OR11H4: variants seen among roughly 807,000 people sequenced by gnomAD.
The protein encoded by OR11H4 is olfactory receptor family 11 subfamily H member 4.
For missense variants in OR11H4, 460 were observed against 371.1 expected, an observed-to-expected ratio of 1.24 and a Z score of -1.97; for synonymous variants, 162 against 142.3, an observed-to-expected ratio of 1.14 and a Z score of -0.98.
chr14:20,242,020 C>A (rs1312583659), intron 1 of OR11H4, among the ~76,000 whole-genome samples: 1 of 151,956 alleles, frequency 6.6e-6, no homozygotes, highest in Admixed American at 6.6e-5. Context: ...AATGTACAAT[C>A]GGGTTTTATA....
rs1161238345 is a variant in OR11H4 at position 20,243,260 on chromosome 14, T to C, written c.439T>C (p.Phe147Leu). 1 of 1,614,072 alleles carries C rather than the reference T, an allele frequency of 6.2e-7. No homozygotes were observed. The highest frequency in any genetic ancestry group is 8.5e-7 in the Non-Finnish European group (1 of 1,180,052). The stretch of plus-strand genomic sequence containing the variant: ...AAGGTTCTGTGGTAAGCTGGTGTCT[T>C]TCTGTTGGCTTATTGGATTCCTTGG... ...TVRFCGKLVS[F>L]CWLIGFLGYP... Residue 147 changes from phenylalanine to leucine, a missense_variant, in exon 2 of 2, where the codon TTC (phenylalanine) becomes CTC (leucine). Phe to Leu is a conservative substitution (Grantham distance 22). Transcript: ENST00000641082.
rs1339619530 is a variant in OR11H4 at position 20,243,782 on chromosome 14, T to C, written c.*16T>C. On this transcript the variant is annotated 3_prime_UTR_variant, in exon 2 of 2. Transcript: ENST00000641082. ...AAATTCGTGAGCCAAAGATGTGCCA[T>C]ACTTACAAGTTCTAACGAAGAACAA... 6.4e-7 allele frequency: 1 copy of C among 1,552,786 alleles called. No individual in the cohort carries two copies. Among genetic ancestry groups the C allele is most frequent in the South Asian group, 1.3e-5 (1 of 79,788 alleles).
chr14:20,243,862 A>T lies in OR11H4; in HGVS notation c.*96A>T. The T allele has an allele frequency of 7.8e-7, 1 of 1,276,320 alleles. No individual in the cohort carries two copies. The allele number at this position is 1,276,320 out of a possible 1,614,324, so 79.1% of individuals were successfully genotyped here. A position where few individuals can be genotyped will look rare whatever the true frequency, so the allele number is the denominator to read the frequency against. ...CTTTCAGTCCTCAGTCTGAGTAGTT[A>T]GAGGTTGTATATTTTACCTGGAAGT... On this transcript the variant is annotated 3_prime_UTR_variant, in exon 2 of 2. Coordinates refer to ENST00000641082, the MANE Select transcript of OR11H4 (RefSeq NM_001004479.2).
chr14:20,243,116 C>G lies in OR11H4; in HGVS notation c.295C>G (p.Leu99Val), dbSNP rs754091387. 3.1e-6 allele frequency: 5 copies of G among 1,614,044 alleles called. No homozygotes were observed. In the African/African-American group the frequency reaches 5.3e-5, roughly 17 times the overall value. ...GGCCATCTCATTTTCTGGGTGCTTCCTCCAGTTCTATTTCTTCTTTTCACT... is the reference window on the plus strand; with the variant it reads ...GGCCATCTCATTTTCTGGGTGCTTCGTCCAGTTCTATTTCTTCTTTTCACT... ...TKAISFSGCF[L>V]QFYFFFSLGT... is the part of the protein sequence containing the mutation. The change falls in exon 2 of 2, where the codon CTC becomes GTC. Residue 99 changes from leucine to valine, a missense_variant. Coordinates refer to ENST00000641082, the MANE Select transcript of OR11H4 (RefSeq NM_001004479.2).
chr14:20,241,728 A>G (rs375812444), intron 1 of OR11H4, among the ~76,000 whole-genome samples: 90 of 152,316 alleles, frequency 5.9e-4, no homozygotes, highest in Middle Eastern at 3.4e-3. Context: ...GAGTTCCCTC[A>G]GTTTTTATTG....
Position 20,243,832 on chromosome 14 carries a change from G to A in OR11H4, c.*66G>A. ...AGGTCGAGATGTTGTCAGTTCTTTA[G>A]CAGTCTTTCAGTCCTCAGTCTGAGT... On this transcript the variant is annotated 3_prime_UTR_variant, in exon 2 of 2. Coordinates refer to ENST00000641082, the MANE Select transcript of OR11H4 (RefSeq NM_001004479.2). 1 of 1,484,632 alleles carries A rather than the reference G, an allele frequency of 6.7e-7. No individual in the cohort carries two copies. 92.0% of individuals were successfully genotyped at this position (1,484,632 alleles called of 1,614,324 possible).
Position 20,243,832 on chromosome 14 carries a change from G to C in OR11H4, c.*66G>C. 6.7e-7 allele frequency: 1 copy of C among 1,484,634 alleles called. No homozygotes were observed. 92.0% of individuals were successfully genotyped at this position (1,484,634 alleles called of 1,614,324 possible). A position where few individuals can be genotyped will look rare whatever the true frequency, so the allele number is the denominator to read the frequency against. ...AGGTCGAGATGTTGTCAGTTCTTTA[G>C]CAGTCTTTCAGTCCTCAGTCTGAGT... On this transcript the variant is annotated 3_prime_UTR_variant, in exon 2 of 2. Transcript: ENST00000641082.
intron 1 of OR11H4, among the ~76,000 whole-genome samples, chr14:20,242,458 C>G (rs1594243228): frequency 6.6e-6 from 1 of 152,114 alleles, no homozygotes; most frequent in Non-Finnish European, 1.5e-5. Context: ...TGGGGCAAAG[C>G]TACAAATTAA....
In OR11H4 at chr14:20,243,408, A is replaced by G. The variant is rs1191263178; in HGVS notation, c.587A>G (p.Glu196Gly). 9.9e-6 allele frequency: 16 copies of G among 1,613,764 alleles called. No homozygotes were observed. Among genetic ancestry groups the G allele is most frequent in the Non-Finnish European group, 1.3e-5 (15 of 1,179,906 alleles). The change falls in exon 2 of 2, where the codon GAA (glutamate) becomes GGA (glycine). Residue 196 changes from glutamate (E) to glycine (G), a missense_variant. Physicochemically the swap from Glu to Gly is moderately conservative, Grantham distance 98. Transcript: ENST00000641082. ...TCCTGTGCCCCAGCTCCCATAACTG[A>G]ATGTATTTTCTATACTCAGAGCTCC... ...ALSCAPAPIT[E>G]CIFYTQSSLV...
In OR11H4 at chr14:20,242,984, C is replaced by G. The variant is rs774959699; in HGVS notation, c.163C>G (p.Leu55Val). 8.7e-6 allele frequency: 14 copies of G among 1,614,110 alleles called. No homozygotes were observed. In the South Asian group the frequency reaches 1.5e-4, roughly 18 times the overall value. Residue 55 changes from leucine to valine, a missense_variant, in exon 2 of 2, where the codon CTA becomes GTA. Leu to Val is a conservative substitution (Grantham distance 32). Transcript: ENST00000641082. Reference sequence around the variant, plus strand: ...CTATGCAGTGAGATGCAACCCACTACTACACACCCCCATGTACTTTCTGCT... The same window carrying G: ...CTATGCAGTGAGATGCAACCCACTAGTACACACCCCCATGTACTTTCTGCT... ...IIYAVRCNPL[L>V]HTPMYFLLGN...
chr14:20,239,747 A>C (rs568746281), intron 1 of OR11H4, among the ~76,000 whole-genome samples: 12 of 152,226 alleles, frequency 7.9e-5, no homozygotes, highest in African/African-American at 2.9e-4. Context: ...TTGTAGCTCA[A>C]ATAATGATAT....
At position 20,244,019 on chromosome 14, in the gene OR11H4, T is replaced by C; in HGVS notation, c.*253T>C. On this transcript the variant is annotated 3_prime_UTR_variant, in exon 2 of 2. Transcript: ENST00000641082. Reference sequence around the variant, plus strand: ...AATGGAATTTCTACATGAGATGCCCTCCTGCTGACATGCCCCATGGTTCAT... The same window carrying C: ...AATGGAATTTCTACATGAGATGCCCCCCTGCTGACATGCCCCATGGTTCAT... 3.0e-6 allele frequency: 1 copy of C among 338,330 alleles called. No individual in the cohort carries two copies. The highest frequency in any genetic ancestry group is 5.4e-6 in the Non-Finnish European group (1 of 186,670). 21.0% of individuals were successfully genotyped at this position (338,330 alleles called of 1,614,324 possible). A position where few individuals can be genotyped will look rare whatever the true frequency, so the allele number is the denominator to read the frequency against.
chr14:20,241,328 GCAGT>G (rs1880913187), intron 1 of OR11H4, among the ~76,000 whole-genome samples: 2 of 151,962 alleles, frequency 1.3e-5, no homozygotes, highest in African/African-American at 2.4e-5. Context: ...TCTCCATGCA[GCAGT>G]CAATCTATTT....
intron 1 of OR11H4, among the ~76,000 whole-genome samples, chr14:20,241,984 T>C (rs1594242910): frequency 1.3e-5 from 2 of 151,912 alleles, no homozygotes; most frequent in South Asian, 4.1e-4. Context: ...CATAGGGCGG[T>C]TTTTCTCCTA....
Position 20,242,951 on chromosome 14 carries a change from G to C in OR11H4, c.130G>C (p.Ala44Pro), listed in dbSNP as rs1880969432. The change falls in exon 2 of 2, where the codon GCC (alanine) becomes CCC (proline). Residue 44 changes from alanine to proline, a missense_variant. Coordinates refer to ENST00000641082, the MANE Select transcript of OR11H4 (RefSeq NM_001004479.2). ...IYVLTLLGNG[A>P]IIYAVRCNPL... ...TGTCTTGACCTTGCTGGGAAATGGA[G>C]CCATCATCTATGCAGTGAGATGCAA... 3 of 1,614,048 alleles carry C rather than the reference G, an allele frequency of 1.9e-6. No homozygotes were observed. The highest frequency in any genetic ancestry group is 2.2e-5 in the South Asian group (2 of 91,070).
rs771312068 is a variant in OR11H4, at chr14:20,243,017, T to G, written c.196T>G (p.Phe66Val). ...HTPMYFLLGN[F>V]AFLEIWYVSS... ...CCCCATGTACTTTCTGCTGGGAAATTTTGCCTTCCTTGAGATCTGGTATGT... is the reference window on the plus strand; with the variant it reads ...CCCCATGTACTTTCTGCTGGGAAATGTTGCCTTCCTTGAGATCTGGTATGT... The change falls in exon 2 of 2, where the codon TTT becomes GTT. Residue 66 changes from phenylalanine to valine, a missense_variant. By Grantham distance (50) the Phe-to-Val change is conservative. Transcript: ENST00000641082. 1 of 1,614,138 alleles carries G rather than the reference T, an allele frequency of 6.2e-7. No homozygotes were observed. The highest frequency in any genetic ancestry group is 1.3e-5 in the African/African-American group (1 of 75,006).
rs1881008797 is a variant in OR11H4, at chr14:20,244,233, A to ATTT, written c.*469_*470insTTT. 6.5e-6 allele frequency: 1 copy of ATTT among 152,672 alleles called. No individual in the cohort carries two copies. The highest frequency in any genetic ancestry group is 2.1e-4 in the South Asian group (1 of 4,844). 9.5% of individuals were successfully genotyped at this position (152,672 alleles called of 1,614,324 possible). ...TTTTTACTTACAACAATAATATGTG[A>ATTT]TTGTTGTAATAAATTCAAGCAATTC... On this transcript the variant is annotated 3_prime_UTR_variant, in exon 2 of 2. Transcript: ENST00000641082.
Position 20,243,753 on chromosome 14 carries a change from G to A in OR11H4, c.932G>A (p.Arg311His), listed in dbSNP as rs753438056. Reference protein sequence around the residue: ...LRNVLFGMRIRQNS With the variant: ...LRNVLFGMRIHQNS ...AATGTCCTGTTTGGAATGAGAATTC[G>A]TCAAAATTCGTGAGCCAAAGATGTG... The change falls in exon 2 of 2, where the codon CGT becomes CAT. Residue 311 changes from arginine to histidine, a missense_variant. Transcript: ENST00000641082. 4.1e-5 allele frequency: 65 copies of A among 1,572,622 alleles called. No homozygotes were observed. Among genetic ancestry groups the A allele is most frequent in the Admixed American group, 2.4e-4 (13 of 53,522 alleles).
chr14:20,243,378 C>G lies in OR11H4; in HGVS notation c.557C>G (p.Ala186Gly). Residue 186 changes from alanine to glycine, a missense_variant, in exon 2 of 2, where the codon GCT (alanine) becomes GGT (glycine). By Grantham distance (60) the Ala-to-Gly change is moderately conservative. Coordinates refer to ENST00000641082, the MANE Select transcript of OR11H4 (RefSeq NM_001004479.2). ...CTGTGTGACATGGACCCATTGATGG[C>G]TCTATCCTGTGCCCCAGCTCCCATA... Reference protein sequence around the residue: ...HFLCDMDPLMALSCAPAPITE... With the variant: ...HFLCDMDPLMGLSCAPAPITE... The G allele has an allele frequency of 6.2e-7, 1 of 1,614,122 alleles. No homozygotes were observed. Among genetic ancestry groups the G allele is most frequent in the Non-Finnish European group, 8.5e-7 (1 of 1,179,978 alleles).
Sources: gnomAD v4.1 joint callset for allele counts (sites outside exome capture counted in the v4.1 genomes callset) on GRCh38, gnomAD v4.1.1 for gene constraint, MANE v1.5 for transcripts, NCBI Gene and HGNC (gene_info 2026-07-23, HGNC 2026-07-21) for gene names.